NRG3: variants seen among roughly 807,000 people sequenced by gnomAD.
The protein encoded by NRG3 is neuregulin 3.
NRG3 carries 31 observed loss-of-function variants against 66.9 expected under a neutral mutation model. That is an observed-to-expected ratio of 0.46 (90% CI 0.35 to 0.63). NRG3 has a LOEUF of 0.63. Ranked by LOEUF, NRG3 falls within the 20% of genes least tolerant of loss-of-function variation. The pLI is 0.00. For missense variants in NRG3, 910 were observed against 878.9 expected (o/e 1.04, Z -0.45); for synonymous variants, 393 against 359.4 (o/e 1.09, Z -1.06).
intron 1 of NRG3, among the ~76,000 whole-genome samples, chr10:82,358,518 T>A (rs960135672): frequency 2.6e-5 from 4 of 152,176 alleles, no homozygotes; most frequent in Non-Finnish European, 5.9e-5. Flanking sequence ...CCAGAGTGAC[T>A]CCAATAGATA....
intron 1 of NRG3, among the ~76,000 whole-genome samples, chr10:82,020,065 G>A (rs540820735): frequency 1.2e-4 from 19 of 152,062 alleles, no homozygotes; most frequent in African/African-American, 4.6e-4. Flanking sequence ...GTTTTCTCTT[G>A]TGGGCATTTA....
intron 4 of NRG3, among the ~76,000 whole-genome samples, chr10:82,883,564 G>A (rs1842475424): frequency 6.6e-6 from 1 of 152,190 alleles, no homozygotes; most frequent in South Asian, 2.1e-4. Context: ...TTGTTGAAAA[G>A]AATTTCCCTA....
chr10:82,063,806 C>G (rs1320642370), intron 1 of NRG3, among the ~76,000 whole-genome samples: 1 of 152,172 alleles, frequency 6.6e-6, no homozygotes, highest in Non-Finnish European at 1.5e-5. Flanking sequence ...AAAGGGAGAG[C>G]AAGTCCCTCC....
chr10:82,940,515 A>T (rs1379905082), intron 4 of NRG3, among the ~76,000 whole-genome samples: 1 of 151,984 alleles, frequency 6.6e-6, no homozygotes, highest in African/African-American at 2.4e-5. Flanking sequence ...CATTTTCATG[A>T]CCTCATCTTA....
intron 1 of NRG3, among the ~76,000 whole-genome samples, chr10:81,998,458 A>G (rs1433249704): frequency 2.0e-5 from 3 of 152,022 alleles, no homozygotes; most frequent in Non-Finnish European, 4.4e-5. Context: ...TCAATTCTCC[A>G]CACTGCTGTG....
intron 1 of NRG3, among the ~76,000 whole-genome samples, chr10:81,989,139 T>C (rs2060639103): frequency 6.6e-6 from 1 of 152,154 alleles, no homozygotes; most frequent in Admixed American, 6.5e-5. Context: ...AACCCTTATT[T>C]CTGGCTATAG....
At chr10:82,137,514 T>C (rs1208903333) in intron 1 of NRG3, among the ~76,000 whole-genome samples, 1 of 152,166 alleles carries the variant, frequency 6.6e-6, no homozygotes, top group East Asian at 1.9e-4. Flanking sequence ...ATTGGTAAAG[T>C]TCCACAGCTT....
At chr10:82,740,277 T>C (rs2058360076) in intron 3 of NRG3, among the ~76,000 whole-genome samples, 1 of 151,356 alleles carries the variant, frequency 6.6e-6, no homozygotes, top group Non-Finnish European at 1.5e-5. Flanking sequence ...TGCTTTCTTT[T>C]CATATGTGGC....
At chr10:81,926,144 G>A (rs1434615746) in intron 1 of NRG3, among the ~76,000 whole-genome samples, 1 of 152,118 alleles carries the variant, frequency 6.6e-6, no homozygotes, top group African/African-American at 2.4e-5. Flanking sequence ...TTGAGATGGA[G>A]TCTAACTTTG....
intron 1 of NRG3, among the ~76,000 whole-genome samples, chr10:81,912,136 G>A (rs1194747221): frequency 6.6e-6 from 1 of 151,700 alleles, no homozygotes; most frequent in Non-Finnish European, 1.5e-5. Context: ...TTTACTTTTT[G>A]TATTTTATTT....
intron 1 of NRG3, among the ~76,000 whole-genome samples, chr10:82,144,321 G>C (rs559682838): frequency 6.6e-6 from 1 of 152,198 alleles, no homozygotes; most frequent in East Asian, 1.9e-4. Flanking sequence ...AGTGATCTTT[G>C]AAGCAGCTCT....
chr10:82,548,040 T>G (rs1404177953), intron 2 of NRG3, among the ~76,000 whole-genome samples: 3 of 77,664 alleles, frequency 3.9e-5, no homozygotes, highest in Admixed American at 3.2e-4. Flanking sequence ...TCATGCCACG[T>G]TTTTTTTTTT....
chr10:82,089,899 T>C (rs1315927361), intron 1 of NRG3, among the ~76,000 whole-genome samples: 1 of 152,192 alleles, frequency 6.6e-6, no homozygotes, highest in East Asian at 1.9e-4. Flanking sequence ...CCTTCTAGGC[T>C]CCTGCCCCAG....
intron 1 of NRG3, among the ~76,000 whole-genome samples, chr10:82,355,767 T>C (rs1300697865): frequency 6.6e-6 from 1 of 152,210 alleles, no homozygotes; most frequent in Non-Finnish European, 1.5e-5. Flanking sequence ...CCAATGCCTC[T>C]GTGATTTCAG....
At chr10:82,887,641 G>A (rs1373268554) in intron 4 of NRG3, among the ~76,000 whole-genome samples, 1 of 152,146 alleles carries the variant, frequency 6.6e-6, no homozygotes, top group East Asian at 1.9e-4. Context: ...TATTGAAACA[G>A]ACAATTAAAG....
chr10:82,064,202 A>G lies in NRG3; in HGVS notation c.823+188039A>G, dbSNP rs1015333905. 2.0e-5 allele frequency among the ~76,000 whole-genome samples: 3 copies of G among 152,190 alleles called. No homozygotes were observed. In the East Asian group the frequency reaches 5.8e-4, roughly 29 times the overall value. On this transcript the variant is annotated intron_variant, in intron 1 of 8. Coordinates refer to ENST00000372141, the MANE Select transcript of NRG3 (RefSeq NM_001010848.4). ...AGAGTCAAAATAACTCTGTGGTCCA[A>G]TCCTGCATAGCTTATAGTCCTGAGA...
At chr10:82,882,417 A>G (rs895325033) in intron 4 of NRG3, among the ~76,000 whole-genome samples, 5 of 152,158 alleles carry the variant, frequency 3.3e-5, no homozygotes, top group Admixed American at 1.3e-4. Flanking sequence ...TTGACGGTAG[A>G]TGTGTTAACT....
intron 2 of NRG3, among the ~76,000 whole-genome samples, chr10:82,556,044 C>T (rs2044629209): frequency 1.3e-5 from 2 of 152,102 alleles, no homozygotes; most frequent in Non-Finnish European, 2.9e-5. Flanking sequence ...TCAGTTGCCC[C>T]GTATTTGTCT....
At chr10:82,849,919 A>C (rs566979502) in intron 3 of NRG3, among the ~76,000 whole-genome samples, 10 of 152,248 alleles carry the variant, frequency 6.6e-5, no homozygotes, top group Admixed American at 6.5e-4. Flanking sequence ...GTGTGATCTG[A>C]TTTAAGTTTT....
Sources: allele counts gnomAD v4.1 joint callset (sites outside exome capture counted in the v4.1 genomes callset), GRCh38; gene constraint gnomAD v4.1.1; transcripts MANE v1.5; gene names NCBI Gene and HGNC (gene_info 2026-07-23, HGNC 2026-07-21).